Variants in SCN11A observed in about 807,000 individuals in gnomAD.
SCN11A encodes the protein sodium voltage-gated channel alpha subunit 11, also known as sodium channel protein type 11 subunit alpha.
In SCN11A, 122 loss-of-function variants were observed where a neutral mutation model predicts 162.2. The ratio of observed to expected loss-of-function variants is 0.75; its 90% confidence interval spans 0.65 to 0.87. The LOEUF is 0.87. Ranked by LOEUF, SCN11A falls within the 40% of genes least tolerant of loss-of-function variation. SCN11A has a pLI of 0.00. For missense variants in SCN11A, 2,015 were observed against 2,181.6 expected (o/e 0.92, Z 1.52); for synonymous variants, 758 against 751.5 (o/e 1.01, Z -0.14).
intron 28 of SCN11A, among the ~76,000 whole-genome samples, chr3:38,851,542 T>C (rs995211413): frequency 6.6e-6 from 1 of 152,252 alleles, no homozygotes; most frequent in African/African-American, 2.4e-5. Flanking sequence ...CATTATTTTC[T>C]TTAATACAAC....
chr3:38,879,925 T>G, intron 23 of SCN11A, 25 bp downstream of exon 23: 1 of 1,603,866 alleles, frequency 6.2e-7, no homozygotes, highest in South Asian at 1.1e-5. Flanking sequence ...CCAGCCTGTG[T>G]GGGACACAGA....
intron 14 of SCN11A, among the ~76,000 whole-genome samples, chr3:38,906,449 G>A (rs1037997796): frequency 3.3e-5 from 5 of 152,050 alleles, no homozygotes; most frequent in Non-Finnish European, 7.4e-5. Context: ...AAAACTGAAT[G>A]AGCCATCTTT....
chr3:39,002,030 C>G (rs186286019), intron 2 of SCN11A, among the ~76,000 whole-genome samples: 1 of 151,356 alleles, frequency 6.6e-6, no homozygotes, highest in Admixed American at 6.6e-5. Context: ...GAGTGAGACT[C>G]CGTCTCAAAA....
intron 2 of SCN11A, among the ~76,000 whole-genome samples, chr3:39,016,080 G>A (rs1035715200): frequency 1.3e-5 from 2 of 152,224 alleles, no homozygotes; most frequent in Admixed American, 1.3e-4. Context: ...GGGAATGAGA[G>A]AAGCAGGGTA....
chr3:38,849,511 C>T (rs977606346), intron 29 of SCN11A: 1 of 152,110 alleles, frequency 6.6e-6, no homozygotes, highest in Admixed American at 6.5e-5. Context: ...TCCAATATAT[C>T]TGTTTGATGC....
intron 6 of SCN11A, 29 bp from the exon 7 acceptor site, chr3:38,945,541 T>C: frequency 2.7e-6 from 4 of 1,459,612 alleles, no homozygotes; most frequent in Non-Finnish European, 3.7e-6. Flanking sequence ...GGCAGATATG[T>C]TGCAGGATGG....
intron 22 of SCN11A, 40 bp downstream of exon 22, chr3:38,883,193 C>T (rs563187911): frequency 2.5e-6 from 4 of 1,578,274 alleles, no homozygotes; most frequent in Non-Finnish European, 3.5e-6. Context: ...TCCCCAGCTG[C>T]CCTGATGCCC....
chr3:38,964,865 G>T (rs969463593), intron 2 of SCN11A, among the ~76,000 whole-genome samples: 2 of 152,212 alleles, frequency 1.3e-5, no homozygotes, highest in South Asian at 4.1e-4. Flanking sequence ...TACTGGCACC[G>T]TCTCAAGCTC....
intron 2 of SCN11A, among the ~76,000 whole-genome samples, chr3:39,023,202 G>C (rs970566331): frequency 1.3e-5 from 2 of 151,862 alleles, no homozygotes; most frequent in Admixed American, 6.6e-5. Flanking sequence ...AGCTGGTCAT[G>C]AATTGATAAT....
Position 38,910,039 on chromosome 3 carries a change from GA to G in SCN11A, c.1101+26del, listed in dbSNP as rs772646693. On this transcript the variant is annotated intron_variant, in intron 12 of 29. Transcript: ENST00000302328. Reference sequence around the variant, plus strand: ...GAAAAGGATGGAGGGAGGGAGAGAGGAAAAAGAGAGACTATAAATAGATAAC... The same window carrying G: ...GAAAAGGATGGAGGGAGGGAGAGAGGAAAAGAGAGACTATAAATAGATAAC... 1.9e-6 allele frequency: 3 copies of G among 1,607,358 alleles called. No homozygotes were observed. The African/African-American group carries it at 4.0e-5, about 22-fold the overall frequency.
intron 28 of SCN11A, among the ~76,000 whole-genome samples, chr3:38,859,379 T>C (rs964775932): frequency 6.6e-6 from 1 of 151,984 alleles, no homozygotes; most frequent in African/African-American, 2.4e-5. Flanking sequence ...CATTCAAGGC[T>C]ACTACAAACA....
intron 1 of SCN11A, among the ~76,000 whole-genome samples, chr3:39,034,528 T>C (rs1315548798): frequency 6.6e-6 from 1 of 152,230 alleles, no homozygotes; most frequent in African/African-American, 2.4e-5. Context: ...TGAAAGTCTT[T>C]CCTCGAAGAT....
Position 38,899,946 on chromosome 3 carries a change from A to G in SCN11A, c.1970T>C (p.Met657Thr), listed in dbSNP as rs374430641. Residue 657 changes from methionine to threonine, a missense_variant, in exon 17 of 30, where the codon ATG (methionine) becomes ACG (threonine). Transcript: ENST00000302328. ...GCTTCTCTTTTGAAGTACACAGTTC[A>G]TTACATCTGCAAAACTCAGAAGAGC... is the stretch of plus-strand genomic sequence containing the variant. ...IVALLSFADV[M>T]NCVLQKRSWP... 82 of 1,614,136 alleles carry G rather than the reference A, an allele frequency of 5.1e-5. No individual in the cohort carries two copies. The Middle Eastern group carries it at 6.6e-4, about 13-fold the overall frequency.
At chr3:38,930,858 A>C (rs7640106) in intron 7 of SCN11A, among the ~76,000 whole-genome samples, 2,426 of 152,248 alleles carry the variant, frequency 0.016, 68 homozygotes, top group African/African-American at 0.056. Flanking sequence ...CTTTCCCCAC[A>C]CTTGACTCCT....
In SCN11A at chr3:38,885,408, C is replaced by T. The variant is rs1451231934; in HGVS notation, c.2950-6G>A. On this transcript the variant is annotated splice_polypyrimidine_tract_variant and splice_region_variant and intron_variant, in intron 20 of 29. Coordinates refer to ENST00000302328, the MANE Select transcript of SCN11A (RefSeq NM_001349253.2). ...ATACTGGTAACATCAGACTTCTGCA[C>T]ATCAGAACAAAACGAAGGGGGTGCC... 15 of 1,534,400 alleles carry T rather than the reference C, an allele frequency of 9.8e-6. No homozygotes were observed. The highest frequency in any genetic ancestry group is 1.4e-5 in the Non-Finnish European group (15 of 1,107,720).
At position 39,006,032 on chromosome 3, in the gene SCN11A, A is replaced by T. The variant is rs78878654; in HGVS notation, c.-280+26348T>A. 8.7e-3 allele frequency among the ~76,000 whole-genome samples: 1,329 copies of T among 152,326 alleles called. 25 individuals carry two copies. Among genetic ancestry groups the T allele is most frequent in the African/African-American group, 0.031 (1,283 of 41,574 alleles). ...TTTAGCTTGGTATATGTTTCTAAAT[A>T]TAAAGTAATTTTCTCTCAGTACTTT... On this transcript the variant is annotated intron_variant, in intron 2 of 29. Coordinates refer to ENST00000302328, the MANE Select transcript of SCN11A (RefSeq NM_001349253.2).
At position 38,847,453 on chromosome 3, in the gene SCN11A, G is replaced by C; in HGVS notation, c.4617C>G (p.Ser1539Arg). ...DDIFNFKTFASSMLCLFQIST... is the reference protein window; with the variant it reads ...DDIFNFKTFARSMLCLFQIST... ...TTATCTGGAAGAGACAGAGCATGCT[G>C]CTGGCAAAAGTCTTGAAGTTGAATA... Residue 1539 changes from serine to arginine, a missense_variant, in exon 30 of 30, where the codon AGC (serine) becomes AGG (arginine). Ser to Arg is a moderately radical substitution (Grantham distance 110). Transcript: ENST00000302328. 1 of 1,614,208 alleles carries C rather than the reference G, an allele frequency of 6.2e-7. No individual in the cohort carries two copies. Among genetic ancestry groups the C allele is most frequent in the Non-Finnish European group, 8.5e-7 (1 of 1,180,042 alleles).
At chr3:38,992,394 A>G (rs2030479471) in intron 2 of SCN11A, among the ~76,000 whole-genome samples, 1 of 152,226 alleles carries the variant, frequency 6.6e-6, no homozygotes, top group Non-Finnish European at 1.5e-5. Context: ...GAATATTGAT[A>G]GACAACATGC....
At chr3:39,004,449 T>C (rs2125599857) in intron 2 of SCN11A, among the ~76,000 whole-genome samples, 1 of 152,226 alleles carries the variant, frequency 6.6e-6, no homozygotes, top group East Asian at 1.9e-4. Context: ...TGAAGTTGGG[T>C]AATGTGACAC....
Sources: gnomAD v4.1 joint callset for allele counts (sites outside exome capture counted in the v4.1 genomes callset) on GRCh38, gnomAD v4.1.1 for gene constraint, MANE v1.5 for transcripts, NCBI Gene and HGNC (gene_info 2026-07-23, HGNC 2026-07-21) for gene names.